Variants in GFOD1 observed in about 807,000 individuals in gnomAD.
GFOD1 encodes glucose-fructose oxidoreductase domain-containing protein 1.
Under a neutral mutation model 25.4 loss-of-function variants are expected in GFOD1, and 9 were observed. The ratio of observed to expected loss-of-function variants is 0.35; its 90% confidence interval spans 0.21 to 0.62. The LOEUF is 0.62. GFOD1 is among the 20% of genes least tolerant of loss of function. The pLI, the probability that GFOD1 is intolerant of heterozygous loss-of-function variation, is 0.72. For synonymous variants in GFOD1, 253 were observed against 245.6 expected (o/e 1.03, Z -0.28); for missense variants, 403 against 556.9 (o/e 0.72, Z 2.78).
intron 1 of GFOD1, among the ~76,000 whole-genome samples, chr6:13,376,139 C>T (rs1210177147): frequency 3.9e-5 from 6 of 152,134 alleles, no homozygotes; most frequent in Admixed American, 2.0e-4. Flanking sequence ...GCAGGGAGGC[C>T]TGGGGCAGTC....
At chr6:13,385,425 C>G (rs953278104) in intron 1 of GFOD1, among the ~76,000 whole-genome samples, 1 of 152,202 alleles carries the variant, frequency 6.6e-6, no homozygotes, top group Non-Finnish European at 1.5e-5. Flanking sequence ...GTGGGAGCCT[C>G]CCTTAAAGAC....
intron 1 of GFOD1, among the ~76,000 whole-genome samples, chr6:13,388,648 A>C (rs1357145903): frequency 2.0e-5 from 3 of 152,228 alleles, no homozygotes; most frequent in Non-Finnish European, 4.4e-5. Flanking sequence ...AAGACCTAAA[A>C]CCATAAAAAC....
intron 1 of GFOD1, among the ~76,000 whole-genome samples, chr6:13,412,768 T>C (rs1481455970): frequency 6.6e-6 from 1 of 152,216 alleles, no homozygotes; most frequent in African/African-American, 2.4e-5. Context: ...TGCCCTGTGC[T>C]CTGAGCACTT....
chr6:13,387,036 A>G (rs1785489149), intron 1 of GFOD1, among the ~76,000 whole-genome samples: 1 of 118,970 alleles, frequency 8.4e-6, no homozygotes, highest in Non-Finnish European at 2.0e-5. Flanking sequence ...CTCGCCTAAT[A>G]GGTGTACTTC....
chr6:13,449,724 T>C (rs1758062574), intron 1 of GFOD1, among the ~76,000 whole-genome samples: 1 of 152,174 alleles, frequency 6.6e-6, no homozygotes, highest in Non-Finnish European at 1.5e-5. Flanking sequence ...CTCATTCTCT[T>C]TTGCCTGCCA....
Position 13,365,390 on chromosome 6 carries a change from C to G in GFOD1, c.526G>C (p.Val176Leu), listed in dbSNP as rs753393250. 1 of 1,614,022 alleles carries G rather than the reference C, an allele frequency of 6.2e-7. No homozygotes were observed. The highest frequency in any genetic ancestry group is 1.7e-5 in the Admixed American group (1 of 60,014). The change falls in exon 2 of 2, where the codon GTG becomes CTG. Residue 176 changes from valine (V) to leucine (L), a missense_variant. Physicochemically the swap from Val to Leu is conservative, Grantham distance 32. Coordinates refer to ENST00000379287, the MANE Select transcript of GFOD1 (RefSeq NM_018988.4). The surrounding 1 kb of genome is among the most constrained non-coding windows in gnomAD (Gnocchi z 9.2). Reference protein sequence around the residue: ...DLMGGGGLHSVGTYIIDLLTF... With the variant: ...DLMGGGGLHSLGTYIIDLLTF... ...AGCAGGTCGATGATGTAGGTGCCCA[C>G]GGAGTGCAGGCCGCCGCCGCCCATC...
At chr6:13,486,569 G>A (rs561922307) in intron 1 of GFOD1, 69 bp downstream of exon 1, 34 of 1,328,024 alleles carry the variant, frequency 2.6e-5, no homozygotes, top group Non-Finnish European at 3.2e-5. Flanking sequence ...GGAAAGGCAG[G>A]GGGGAAGGAA....
intron 1 of GFOD1, among the ~76,000 whole-genome samples, chr6:13,458,469 G>T (rs59772696): frequency 0.063 from 9,508 of 151,986 alleles, 954 homozygotes; most frequent in African/African-American, 0.22. Context: ...AAATGAAGAT[G>T]TAATCAATAA....
intron 1 of GFOD1, among the ~76,000 whole-genome samples, chr6:13,366,744 C>A (rs1159999651): frequency 6.6e-6 from 1 of 152,060 alleles, no homozygotes; most frequent in Non-Finnish European, 1.5e-5. Context: ...GTCCCCTACC[C>A]TCTAAGTCCC....
At chr6:13,442,141 T>G (rs930022386) in intron 1 of GFOD1, among the ~76,000 whole-genome samples, 2 of 152,258 alleles carry the variant, frequency 1.3e-5, no homozygotes, top group African/African-American at 4.8e-5. Flanking sequence ...GAATCAATTT[T>G]TTTTCTAATC....
At position 13,422,582 on chromosome 6, in the gene GFOD1, C is replaced by T. The variant is rs9474161; in HGVS notation, c.254-56920G>A. Among the ~76,000 whole-genome samples the T allele has an allele frequency of 3.3e-3, 500 of 152,290 alleles. 3 individuals carry two copies. Among genetic ancestry groups the T allele is most frequent in the African/African-American group, 0.011 (468 of 41,550 alleles). The stretch of plus-strand genomic sequence containing the variant: ...TCCCCAAAAGTCAAGACGTCTTTTA[C>T]GTGTCTCTACTCCAATCCTTTGCAA... On this transcript the variant is annotated intron_variant, in intron 1 of 1. Transcript: ENST00000379287.
intron 1 of GFOD1, among the ~76,000 whole-genome samples, chr6:13,366,450 C>T (rs546498131): frequency 3.3e-5 from 5 of 152,306 alleles, no homozygotes; most frequent in African/African-American, 1.2e-4. Context: ...ATTCTCCTGC[C>T]TCAGCCTCCC....
intron 1 of GFOD1, among the ~76,000 whole-genome samples, chr6:13,381,994 G>A (rs1195813727): frequency 6.6e-6 from 1 of 151,354 alleles, no homozygotes; most frequent in Admixed American, 6.6e-5. Flanking sequence ...AAGTACCTGC[G>A]AAGTGCTTTG....
At chr6:13,428,875 A>T (rs1757696051) in intron 1 of GFOD1, among the ~76,000 whole-genome samples, 1 of 152,198 alleles carries the variant, frequency 6.6e-6, no homozygotes, top group Admixed American at 6.5e-5. Flanking sequence ...TCCACTAAGT[A>T]TTGTAAAATG....
Position 13,365,224 on chromosome 6 carries a change from A to C in GFOD1, c.692T>G (p.Val231Gly). ...GAAGTTGAGGGTGACGGTGCAGCAC[A>C]CCCCGCCCTCCAGCACCATCTGGAA... ...CTFQMVLEGG[V>G]CCTVTLNFNV... Residue 231 changes from valine (V) to glycine (G), a missense_variant, in exon 2 of 2, where the codon GTG (valine) becomes GGG (glycine). Coordinates refer to ENST00000379287, the MANE Select transcript of GFOD1 (RefSeq NM_018988.4). This position sits in a 1 kb window ranked among gnomAD's most constrained non-coding sequence, Gnocchi z 9.2. 6.2e-7 allele frequency: 1 copy of C among 1,613,898 alleles called. No individual in the cohort carries two copies. The highest frequency in any genetic ancestry group is 8.5e-7 in the Non-Finnish European group (1 of 1,179,968).
intron 1 of GFOD1, among the ~76,000 whole-genome samples, chr6:13,437,787 A>G (rs1757856354): frequency 6.6e-6 from 1 of 152,218 alleles, no homozygotes; most frequent in Non-Finnish European, 1.5e-5. Flanking sequence ...GCACACTGCC[A>G]TATACCAGAC....
chr6:13,410,577 GGAGAGAGA>G lies in GFOD1; in HGVS notation c.254-44923_254-44916del, dbSNP rs10530261. ...AGCAAAACTCTGTCAAAGAAAGAAAGGAGAGAGAGAGAGAGAGAGAGAGAGAGAGAGAG... is the reference window on the plus strand; with the variant it reads ...AGCAAAACTCTGTCAAAGAAAGAAAGGAGAGAGAGAGAGAGAGAGAGAGAG... On this transcript the variant is annotated intron_variant, in intron 1 of 1. Transcript: ENST00000379287. Among the ~76,000 whole-genome samples the G allele has an allele frequency of 2.2e-3, 283 of 128,176 alleles. 5 individuals carry two copies. Among genetic ancestry groups the G allele is most frequent in the African/African-American group, 8.4e-3 (233 of 27,832 alleles). 84.1% of individuals were successfully genotyped at this position (128,176 alleles called of 152,430 possible).
intron 1 of GFOD1, among the ~76,000 whole-genome samples, chr6:13,409,185 GAA>G (rs144384836): frequency 0.068 from 4,086 of 60,490 alleles, 685 homozygotes; most frequent in African/African-American, 0.15. Flanking sequence ...GAGAGAGAGA[GAA>G]AGAAAGAAAG....
intron 1 of GFOD1, among the ~76,000 whole-genome samples, chr6:13,478,385 C>A (rs1371277867): frequency 6.6e-6 from 1 of 152,176 alleles, no homozygotes; most frequent in East Asian, 1.9e-4. Flanking sequence ...GGTGATCCAC[C>A]ACCTCGGACT....
Sources: gnomAD v4.1 joint callset for allele counts (sites outside exome capture counted in the v4.1 genomes callset) on GRCh38, gnomAD v4.1.1 for gene constraint, Gnocchi (gnomAD v3.1) non-coding constraint, MANE v1.5 for transcripts, NCBI Gene and HGNC (gene_info 2026-07-23, HGNC 2026-07-21) for gene names.